CNTN5: variants seen among roughly 807,000 people sequenced by gnomAD.
The protein encoded by CNTN5 is contactin 5.
CNTN5 carries 77 observed loss-of-function variants against 129.1 expected under a neutral mutation model. That is an observed-to-expected ratio of 0.60 (90% CI 0.50 to 0.72). The LOEUF (loss-of-function observed/expected upper bound fraction) is 0.72. Among genes scored for constraint, CNTN5 ranks in the 30% least tolerant of loss-of-function variants. The probability of loss-of-function intolerance (pLI) is 0.00; values close to 1 mark genes in which losing one functional copy is unlikely to be tolerated. For synonymous variants in CNTN5, 509 were observed against 465.6 expected (o/e 1.09, Z -1.20); for missense variants, 1,478 against 1,328.8 (o/e 1.11, Z -1.75).
intron 8 of CNTN5, among the ~76,000 whole-genome samples, chr11:99,983,998 G>A (rs993373490): frequency 4.6e-5 from 7 of 152,106 alleles, no homozygotes; most frequent in Non-Finnish European, 8.8e-5. Context: ...GCTGGGCATA[G>A]TGGCGACACC....
chr11:99,387,268 C>T lies in CNTN5; in HGVS notation c.-71+61784C>T, dbSNP rs185543385. ...ATCCCCCCAAAATTTCATTTTCCCC[C>T]AGTTAAGACCAATATGTTGCCACAT... is the stretch of plus-strand genomic sequence containing the variant. On this transcript the variant is annotated intron_variant, in intron 2 of 24. Transcript: ENST00000524871. 2.1e-4 allele frequency among the ~76,000 whole-genome samples: 32 copies of T among 152,188 alleles called. No individual in the cohort carries two copies. The East Asian group carries it at 5.8e-3, about 28-fold the overall frequency.
chr11:99,933,360 A>G (rs751714678), intron 7 of CNTN5, among the ~76,000 whole-genome samples: 3 of 152,174 alleles, frequency 2.0e-5, no homozygotes, highest in Non-Finnish European at 4.4e-5. Flanking sequence ...AGGTATATTA[A>G]CATATAATGA....
Position 100,291,525 on chromosome 11 carries a change from G to A in CNTN5, c.2315-6100G>A, listed in dbSNP as rs913019190. Among the ~76,000 whole-genome samples, 339 of 149,452 alleles carry A rather than the reference G, an allele frequency of 2.3e-3. 2 individuals are homozygous for A. Among genetic ancestry groups the A allele is most frequent in the African/African-American group, 7.6e-3 (311 of 40,868 alleles). ...TCGCAAGAACAAAAAACCAAACACC[G>A]CATATTCTCACTCATAGGTGGGAAT... On this transcript the variant is annotated intron_variant, in intron 18 of 24. Coordinates refer to ENST00000524871, the MANE Select transcript of CNTN5 (RefSeq NM_014361.4).
intron 1 of CNTN5, among the ~76,000 whole-genome samples, chr11:99,107,918 G>A (rs183157645): frequency 0.017 from 2,428 of 139,518 alleles, 63 homozygotes; most frequent in African/African-American, 0.06. Flanking sequence ...GCAACAGAGC[G>A]AGACTCAGTC....
chr11:100,097,839 A>G (rs1452170710), intron 13 of CNTN5, among the ~76,000 whole-genome samples: 3 of 152,138 alleles, frequency 2.0e-5, no homozygotes, highest in African/African-American at 7.2e-5. Context: ...CAGAATGCAT[A>G]TTGTATATTG....
chr11:99,490,173 A>G (rs1945979599), intron 2 of CNTN5, among the ~76,000 whole-genome samples: 1 of 152,176 alleles, frequency 6.6e-6, no homozygotes, highest in African/African-American at 2.4e-5. Flanking sequence ...TCATTCTGTG[A>G]TATTAATTAG....
At chr11:99,864,898 A>G (rs1948313541) in intron 6 of CNTN5, among the ~76,000 whole-genome samples, 1 of 152,260 alleles carries the variant, frequency 6.6e-6, no homozygotes, top group African/African-American at 2.4e-5. Context: ...ACTAAAAGGT[A>G]TAAAAGCTTC....
At chr11:99,072,004 T>G (rs1865359038) in intron 1 of CNTN5, among the ~76,000 whole-genome samples, 1 of 152,138 alleles carries the variant, frequency 6.6e-6, no homozygotes, top group Admixed American at 6.5e-5. Flanking sequence ...CACAACACAT[T>G]TAACAAATGA....
chr11:99,835,322 A>T, intron 4 of CNTN5, among the ~76,000 whole-genome samples: 1 of 152,154 alleles, frequency 6.6e-6, no homozygotes, highest in East Asian at 1.9e-4. Flanking sequence ...TGGATTTTTA[A>T]CTGTGGTTGT....
chr11:99,390,000 A>G (rs1460808887), intron 2 of CNTN5, among the ~76,000 whole-genome samples: 2 of 152,072 alleles, frequency 1.3e-5, no homozygotes, highest in South Asian at 2.1e-4. Flanking sequence ...AATCTAAAGC[A>G]TGCTTTAAAT....
chr11:100,027,226 G>A (rs189018541), intron 9 of CNTN5, among the ~76,000 whole-genome samples: 32 of 152,232 alleles, frequency 2.1e-4, no homozygotes, highest in Admixed American at 2.0e-3. Flanking sequence ...CTGAAAATTT[G>A]TATTAGATGT....
chr11:99,282,140 A>C (rs1425802648), intron 1 of CNTN5, among the ~76,000 whole-genome samples: 1 of 152,088 alleles, frequency 6.6e-6, no homozygotes, highest in Non-Finnish European at 1.5e-5. Flanking sequence ...TCTGAAAAAA[A>C]TGTGCATAAA....
chr11:99,210,742 C>T (rs1051005790), intron 1 of CNTN5, among the ~76,000 whole-genome samples: 3 of 152,092 alleles, frequency 2.0e-5, no homozygotes, highest in African/African-American at 7.2e-5. Context: ...TCCACACCCA[C>T]ATAGTATAAT....
intron 2 of CNTN5, among the ~76,000 whole-genome samples, chr11:99,407,961 T>C (rs1169537446): frequency 6.6e-6 from 1 of 152,114 alleles, no homozygotes; most frequent in African/African-American, 2.4e-5. Flanking sequence ...ACATCGGTGA[T>C]TCGGAACTGT....
chr11:99,363,461 GAT>G (rs1252106751), intron 2 of CNTN5, among the ~76,000 whole-genome samples: 1 of 152,084 alleles, frequency 6.6e-6, no homozygotes, highest in African/African-American at 2.4e-5. Context: ...ATTTACATCA[GAT>G]GTGTGTTGCT....
chr11:99,956,959 C>G lies in CNTN5; in HGVS notation c.827C>G (p.Thr276Arg). The change falls in exon 8 of 25, where the codon ACG becomes AGG. Residue 276 changes from threonine (T) to arginine (R), a missense_variant. By Grantham distance (71) the Thr-to-Arg change is moderately conservative. Transcript: ENST00000524871. ...ATTTGTCTGGTGAAAAACACAGTGA[C>G]GAATGCTAGAGTCCTTAGTCCTCCA... ...SYICLVKNTV[T>R]NARVLSPPTP... 1 of 1,613,806 alleles carries G rather than the reference C, an allele frequency of 6.2e-7. No homozygotes were observed. The highest frequency in any genetic ancestry group is 8.5e-7 in the Non-Finnish European group (1 of 1,179,820).
chr11:99,857,541 A>C (rs1948077915), intron 6 of CNTN5, among the ~76,000 whole-genome samples: 1 of 152,308 alleles, frequency 6.6e-6, no homozygotes, highest in South Asian at 2.1e-4. Context: ...AATAATTGCT[A>C]CATTGAAAAT....
chr11:99,134,640 C>A lies in CNTN5; in HGVS notation c.-210+113370C>A, dbSNP rs140460478. Among the ~76,000 whole-genome samples the A allele has an allele frequency of 1.2e-4, 18 of 152,168 alleles. No individual in the cohort carries two copies. The East Asian group carries it at 2.1e-3, about 18-fold the overall frequency. ...TCATGCTAGAATTAACTATGTATTT[C>A]TACTACTAGAAATTGATTGTAATAA... On this transcript the variant is annotated intron_variant, in intron 1 of 24. Transcript: ENST00000524871.
chr11:99,209,157 T>G (rs1370253856), intron 1 of CNTN5, among the ~76,000 whole-genome samples: 3 of 149,782 alleles, frequency 2.0e-5, no homozygotes. Flanking sequence ...CATCTAGGAT[T>G]TAATAAGAGA....
Sources: gnomAD v4.1 joint callset for allele counts (sites outside exome capture counted in the v4.1 genomes callset) on GRCh38, gnomAD v4.1.1 for gene constraint, MANE v1.5 for transcripts, NCBI Gene and HGNC (gene_info 2026-07-23, HGNC 2026-07-21) for gene names.